PSD3: variants seen among roughly 807,000 people sequenced by gnomAD.
PSD3 encodes pleckstrin and Sec7 domain containing 3, also known as PH and SEC7 domain-containing protein 3.
Under a neutral mutation model 105.5 loss-of-function variants are expected in PSD3, and 49 were observed. That is an observed-to-expected ratio of 0.46 (90% CI 0.37 to 0.59). PSD3 has a LOEUF of 0.59. Among genes scored for constraint, PSD3 ranks in the 20% least tolerant of loss-of-function variants. PSD3 has a pLI of 0.00. For missense variants in PSD3, 1,561 were observed against 1,263.8 expected (o/e 1.24, Z -3.57); for synonymous variants, 557 against 457.8 (o/e 1.22, Z -2.77).
At chr8:18,607,367 G>T (rs138547885) in intron 11 of PSD3, among the ~76,000 whole-genome samples, 2 of 152,240 alleles carry the variant, frequency 1.3e-5, no homozygotes, top group African/African-American at 4.8e-5. Flanking sequence ...TTTAGGCACT[G>T]TTCCAAGATT....
At chr8:18,680,609 T>C (rs1183794806) in intron 9 of PSD3, among the ~76,000 whole-genome samples, 4 of 152,218 alleles carry the variant, frequency 2.6e-5, no homozygotes, top group African/African-American at 9.6e-5. Context: ...CCATATTATG[T>C]GCTTCAGAGG....
intron 1 of PSD3, among the ~76,000 whole-genome samples, chr8:19,058,812 C>T (rs1017071686): frequency 5.3e-5 from 8 of 152,126 alleles, no homozygotes; most frequent in Non-Finnish European, 5.9e-5. Flanking sequence ...GGAGCCATCA[C>T]GTGGAGCACC....
chr8:18,793,378 A>C (rs962549488), intron 8 of PSD3, among the ~76,000 whole-genome samples: 14 of 151,230 alleles, frequency 9.3e-5, no homozygotes, highest in African/African-American at 3.2e-4. Context: ...AATAGAAAAA[A>C]AAAACAAAAC....
chr8:19,002,763 C>A (rs140695293), intron 1 of PSD3, among the ~76,000 whole-genome samples: 2 of 152,132 alleles, frequency 1.3e-5, no homozygotes, highest in Non-Finnish European at 2.9e-5. Flanking sequence ...ACACAACATT[C>A]TTCCACATAT....
intron 1 of PSD3, among the ~76,000 whole-genome samples, chr8:18,985,931 G>C (rs1383971218): frequency 6.6e-6 from 1 of 151,372 alleles, no homozygotes; most frequent in African/African-American, 2.4e-5. Flanking sequence ...TATTATTATA[G>C]TTTGCTGTCA....
intron 1 of PSD3, among the ~76,000 whole-genome samples, chr8:19,051,347 C>A: frequency 6.6e-6 from 1 of 152,182 alleles, no homozygotes; most frequent in East Asian, 1.9e-4. Flanking sequence ...CTGTTACATA[C>A]TCTCATATGA....
At chr8:18,780,441 C>A (rs773554976) in intron 8 of PSD3, among the ~76,000 whole-genome samples, 1 of 151,926 alleles carries the variant, frequency 6.6e-6, no homozygotes, top group Non-Finnish European at 1.5e-5. Flanking sequence ...GTACTTAATT[C>A]CTGTCATTTT....
rs753645719 is a variant in PSD3, at chr8:18,872,742, A to G, written c.131-9T>C. On this transcript the variant is annotated splice_polypyrimidine_tract_variant and intron_variant, in intron 2 of 15. Coordinates refer to ENST00000327040, the MANE Select transcript of PSD3 (RefSeq NM_015310.4). Reference sequence around the variant, plus strand: ...GCTTCCTCCATGATCACCTGTGAAGAGAACACAATGGACATATGACTTGTT... The same window carrying G: ...GCTTCCTCCATGATCACCTGTGAAGGGAACACAATGGACATATGACTTGTT... 6.5e-7 allele frequency: 1 copy of G among 1,536,014 alleles called. No individual in the cohort carries two copies. The highest frequency in any genetic ancestry group is 8.7e-7 in the Non-Finnish European group (1 of 1,143,996).
intron 11 of PSD3, among the ~76,000 whole-genome samples, chr8:18,626,409 T>C (rs891824517): frequency 6.6e-6 from 1 of 152,132 alleles, no homozygotes; most frequent in African/African-American, 2.4e-5. Flanking sequence ...CTGGCCAGGT[T>C]TAAATTTACA....
intron 4 of PSD3, chr8:18,808,951 GT>G: frequency 1.4e-6 from 2 of 1,437,950 alleles, no homozygotes; most frequent in Non-Finnish European, 1.8e-6. Flanking sequence ...AGTGTTCATT[GT>G]TGCGGTTTCT....
At chr8:18,666,176 G>C (rs1405101435) in intron 9 of PSD3, among the ~76,000 whole-genome samples, 1 of 152,132 alleles carries the variant, frequency 6.6e-6, no homozygotes, top group Non-Finnish European at 1.5e-5. Context: ...TTAGCCTCCT[G>C]AGTAGCTGGA....
At chr8:18,811,802 T>C (rs553905139) in intron 4 of PSD3, among the ~76,000 whole-genome samples, 50 of 152,252 alleles carry the variant, frequency 3.3e-4, no homozygotes, top group Admixed American at 7.2e-4. Flanking sequence ...AATGGGCTTG[T>C]GGGATGGAGG....
At chr8:18,720,814 T>C (rs531955209) in intron 9 of PSD3, 61 of 152,192 alleles carry the variant, frequency 4.0e-4, no homozygotes, top group African/African-American at 1.3e-3. Flanking sequence ...GAAAATAAAA[T>C]GAGGTTAAAG....
intron 2 of PSD3, among the ~76,000 whole-genome samples, chr8:18,913,327 C>T (rs1172587533): frequency 2.0e-5 from 3 of 151,860 alleles, no homozygotes; most frequent in African/African-American, 4.8e-5. Flanking sequence ...TTAAATACTA[C>T]TTTGTCAACC....
chr8:18,799,039 A>T (rs1810442454), intron 8 of PSD3: 1 of 401,012 alleles, frequency 2.5e-6, no homozygotes, highest in African/African-American at 2.1e-5. Flanking sequence ...CATCTACTGG[A>T]CAAAGAAGAC....
intron 1 of PSD3, among the ~76,000 whole-genome samples, chr8:19,057,350 A>C (rs1430834115): frequency 6.6e-6 from 1 of 151,884 alleles, no homozygotes; most frequent in African/African-American, 2.4e-5. Context: ...GTTTCTCTTG[A>C]CCTCTTGTCA....
At chr8:18,903,423 T>C (rs56241594) in intron 2 of PSD3, among the ~76,000 whole-genome samples, 33,025 of 151,934 alleles carry the variant, frequency 0.22, 4,430 homozygotes, top group Non-Finnish European at 0.3. Flanking sequence ...TTTTGCAGCA[T>C]GGTGGGGTGA....
chr8:18,802,628 C>A (rs1310503454), intron 6 of PSD3, among the ~76,000 whole-genome samples: 1 of 152,100 alleles, frequency 6.6e-6, no homozygotes, highest in Non-Finnish European at 1.5e-5. Context: ...ATGAAAAGAG[C>A]CCCACGATAA....
rs116268113 is a variant in PSD3 at position 18,578,415 on chromosome 8, A to G, written c.2482-3130T>C. Reference sequence around the variant, plus strand: ...TTCTTTTACATCTCCATGATTTGTGAAATTCTTCCTCAGCTTTTTGTTACA... The same window carrying G: ...TTCTTTTACATCTCCATGATTTGTGGAATTCTTCCTCAGCTTTTTGTTACA... On this transcript the variant is annotated intron_variant, in intron 12 of 15. Transcript: ENST00000327040. 4.3e-3 allele frequency among the ~76,000 whole-genome samples: 650 copies of G among 152,238 alleles called. 5 individuals are homozygous for G. Among genetic ancestry groups the G allele is most frequent in the African/African-American group, 0.015 (607 of 41,580 alleles).
Sources: gnomAD v4.1 joint callset for allele counts (sites outside exome capture counted in the v4.1 genomes callset) on GRCh38, gnomAD v4.1.1 for gene constraint, MANE v1.5 for transcripts, NCBI Gene and HGNC (gene_info 2026-07-23, HGNC 2026-07-21) for gene names.